Variants in MAST4 observed in about 807,000 individuals in gnomAD.
The protein encoded by MAST4 is microtubule-associated serine/threonine-protein kinase 4.
A neutral mutation model predicts 162.7 loss-of-function variants in MAST4; 89 were observed. The observed-to-expected ratio is 0.55, with a 90% confidence interval of 0.46 to 0.65. The LOEUF is 0.65. MAST4 is among the 30% of genes least tolerant of loss of function. The pLI is 0.00. For synonymous variants in MAST4, 1,479 were observed against 1,361.1 expected, an observed-to-expected ratio of 1.09 and a Z score of -1.91; for missense variants, 3,153 against 3,374.0, an observed-to-expected ratio of 0.93 and a Z score of 1.62.
intron 1 of MAST4, among the ~76,000 whole-genome samples, chr5:66,651,733 G>C (rs1032730986): frequency 6.6e-6 from 1 of 152,132 alleles, no homozygotes; most frequent in Admixed American, 6.6e-5. Flanking sequence ...CTACACTCTA[G>C]GTGTCAAGCC....
chr5:66,962,650 A>T (rs1439830022), intron 4 of MAST4, among the ~76,000 whole-genome samples: 1 of 152,184 alleles, frequency 6.6e-6, no homozygotes, highest in Admixed American at 6.5e-5. Flanking sequence ...TGGAGGCTGC[A>T]GTAAGCCACT....
chr5:66,905,609 G>A (rs1430419788), intron 4 of MAST4, among the ~76,000 whole-genome samples: 2 of 152,106 alleles, frequency 1.3e-5, no homozygotes, highest in African/African-American at 4.8e-5. Flanking sequence ...CAAGGCCTGA[G>A]GTCCTGAGAG....
chr5:67,123,291 A>T (rs1767800151), intron 14 of MAST4, among the ~76,000 whole-genome samples: 1 of 152,248 alleles, frequency 6.6e-6, no homozygotes, highest in Non-Finnish European at 1.5e-5. Context: ...GCTAAAACAC[A>T]CATGGCTTTC....
chr5:66,853,602 C>G (rs1450885812), intron 3 of MAST4, among the ~76,000 whole-genome samples: 1 of 152,162 alleles, frequency 6.6e-6, no homozygotes, highest in Non-Finnish European at 1.5e-5. Flanking sequence ...GCAGAAGTTA[C>G]TAAGTCTCAT....
Position 66,596,962 on chromosome 5 carries a change from G to T in MAST4, c.307G>T (p.Ala103Ser). 1 of 1,441,836 alleles carries T rather than the reference G, an allele frequency of 6.9e-7. No individual in the cohort carries two copies. Among genetic ancestry groups the T allele is most frequent in the African/African-American group, 1.5e-5 (1 of 67,794 alleles). 89.3% of individuals were successfully genotyped at this position (1,441,836 alleles called of 1,614,324 possible). A position where few individuals can be genotyped will look rare whatever the true frequency, so the allele number is the denominator to read the frequency against. Residue 103 changes from alanine to serine, a missense_variant, in exon 1 of 29, where the codon GCT (alanine) becomes TCT (serine). Physicochemically the swap from Ala to Ser is moderately conservative, Grantham distance 99. Coordinates refer to ENST00000403625, the MANE Select transcript of MAST4 (RefSeq NM_001164664.2). ...GCTGCCGCCGCCGCTTCCCGGAGGA[G>T]CTGTGCCGCCCGCGCCCCGGGGCAG... is the stretch of plus-strand genomic sequence containing the variant. The part of the protein sequence containing the change: ...LALPPPLPGG[A>S]VPPAPRGSSA...
At chr5:66,948,938 C>A (rs1019117367) in intron 4 of MAST4, among the ~76,000 whole-genome samples, 1 of 151,748 alleles carries the variant, frequency 6.6e-6, no homozygotes, top group African/African-American at 2.4e-5. Context: ...TTAATTCACA[C>A]CCCCCCAACA....
chr5:66,844,827 G>A (rs138529393), intron 3 of MAST4, among the ~76,000 whole-genome samples: 8 of 151,952 alleles, frequency 5.3e-5, no homozygotes, highest in East Asian at 1.9e-4. Context: ...TGAGTTTGGC[G>A]GTGATTATTG....
chr5:66,716,569 C>T (rs912236907), intron 1 of MAST4, among the ~76,000 whole-genome samples: 14 of 151,638 alleles, frequency 9.2e-5, no homozygotes, highest in Non-Finnish European at 1.8e-4. Flanking sequence ...CTATATTACC[C>T]AGGCTGGTCT....
At chr5:66,921,785 G>A (rs543301890) in intron 4 of MAST4, among the ~76,000 whole-genome samples, 2 of 152,190 alleles carry the variant, frequency 1.3e-5, no homozygotes, top group South Asian at 2.1e-4. Context: ...CAAGATCAAT[G>A]TTTTGCATGC....
chr5:66,724,187 C>G lies in MAST4; in HGVS notation c.364-35522C>G, dbSNP rs528716204. 7.2e-5 allele frequency among the ~76,000 whole-genome samples: 11 copies of G among 152,270 alleles called. No homozygotes were observed. The East Asian group carries it at 2.1e-3, about 29-fold the overall frequency. On this transcript the variant is annotated intron_variant, in intron 1 of 28. Transcript: ENST00000403625. ...CTAGCAGAGGAAAGAGCTCAGTTCA[C>G]TGTATTCTCTTTCCTTTTACAACAG...
intron 3 of MAST4, among the ~76,000 whole-genome samples, chr5:66,880,782 A>G (rs1451766620): frequency 1.3e-5 from 2 of 152,236 alleles, no homozygotes; most frequent in East Asian, 1.9e-4. Flanking sequence ...ATAGAAACAC[A>G]GTATTAAAGC....
At chr5:66,857,557 CTT>C (rs1759781352) in intron 3 of MAST4, among the ~76,000 whole-genome samples, 1 of 152,150 alleles carries the variant, frequency 6.6e-6, no homozygotes, top group Admixed American at 6.5e-5. Context: ...CATTTTGAGA[CTT>C]TTTGATTTGC....
intron 1 of MAST4, among the ~76,000 whole-genome samples, chr5:66,651,219 T>C (rs1274162591): frequency 1.3e-5 from 2 of 151,976 alleles, no homozygotes; most frequent in Admixed American, 6.6e-5. Context: ...TACAGTGTAA[T>C]AGCTGCTATT....
In MAST4 at chr5:67,027,553, C is replaced by G. The variant is rs146210581; in HGVS notation, c.675-26851C>G. 9.7e-4 allele frequency among the ~76,000 whole-genome samples: 147 copies of G among 152,294 alleles called. 1 individual carries two copies. The highest frequency in any genetic ancestry group is 6.8e-3 in the Middle Eastern group (2 of 294). On this transcript the variant is annotated intron_variant, in intron 4 of 28. Transcript: ENST00000403625. ...AACTGCATCAAAGATGGCAGAGCTT[C>G]CTTCTAGTTTTCTTCTGATAATTCC... is the stretch of plus-strand genomic sequence containing the variant.
At chr5:66,847,842 A>G (rs1758988951) in intron 3 of MAST4, among the ~76,000 whole-genome samples, 1 of 150,926 alleles carries the variant, frequency 6.6e-6, no homozygotes, top group Middle Eastern at 3.4e-3. Flanking sequence ...AAAAAAAAAA[A>G]AGAAAAACCT....
intron 5 of MAST4, among the ~76,000 whole-genome samples, chr5:67,078,762 C>CTAAATATATATATTTATTTATATTTATT (rs1762033935): frequency 9.0e-6 from 1 of 110,634 alleles, no homozygotes; most frequent in African/African-American, 3.4e-5. Context: ...TTATATTTAT[C>CTAAATATATATATTTATTTATATTTATT]TAAATATATA....
intron 5 of MAST4, among the ~76,000 whole-genome samples, chr5:67,055,389 T>C (rs1307605327): frequency 1.3e-5 from 2 of 152,182 alleles, no homozygotes; most frequent in African/African-American, 2.4e-5. Context: ...TGTACTCTTG[T>C]GAAAACTCTA....
intron 1 of MAST4, among the ~76,000 whole-genome samples, chr5:66,649,223 G>A (rs1457389847): frequency 2.6e-5 from 4 of 152,108 alleles, no homozygotes; most frequent in Admixed American, 2.6e-4. Context: ...TTTAATATGG[G>A]CCAAATTTGA....
chr5:66,603,669 T>A (rs1043259508), intron 1 of MAST4, among the ~76,000 whole-genome samples: 1 of 152,232 alleles, frequency 6.6e-6, no homozygotes, highest in African/African-American at 2.4e-5. Context: ...CAAATTCTGT[T>A]TTGTCTCCTT....
Sources: gnomAD v4.1 joint callset for allele counts (sites outside exome capture counted in the v4.1 genomes callset) on GRCh38, gnomAD v4.1.1 for gene constraint, MANE v1.5 for transcripts, NCBI Gene and HGNC (gene_info 2026-07-23, HGNC 2026-07-21) for gene names.